ZEB1: variants seen among roughly 807,000 people sequenced by gnomAD.
ZEB1 encodes the protein zinc finger E-box-binding homeobox 1.
Under a neutral mutation model 84.9 loss-of-function variants are expected in ZEB1, and 21 were observed. That is an observed-to-expected ratio of 0.25 (90% CI 0.18 to 0.36). The LOEUF (loss-of-function observed/expected upper bound fraction) is 0.36. ZEB1 is among the 10% of genes least tolerant of loss of function. The probability of loss-of-function intolerance (pLI) is 1.00; values close to 1 mark genes in which losing one functional copy is unlikely to be tolerated. For synonymous variants in ZEB1, 420 were observed against 471.1 expected (o/e 0.89, Z 1.41); for missense variants, 1,104 against 1,330.2 (o/e 0.83, Z 2.65).
intron 1 of ZEB1, among the ~76,000 whole-genome samples, chr10:31,412,622 G>T (rs2054514343): frequency 6.6e-6 from 1 of 152,156 alleles, no homozygotes; most frequent in Non-Finnish European, 1.5e-5. Flanking sequence ...GTATTCCATG[G>T]TGTATATGTG....
intron 1 of ZEB1, chr10:31,363,004 C>G: frequency 6.5e-7 from 1 of 1,534,000 alleles, no homozygotes. Context: ...CGGTGGGGGC[C>G]GCTCGTCTCT....
intron 3 of ZEB1, among the ~76,000 whole-genome samples, chr10:31,500,198 T>G (rs552629078): frequency 1.2e-3 from 185 of 152,274 alleles, no homozygotes; most frequent in Admixed American, 2.0e-3. Flanking sequence ...TTAATTTCAT[T>G]TTTTACTTTT....
At chr10:31,351,912 A>G (rs2041377431) in intron 1 of ZEB1, among the ~76,000 whole-genome samples, 3 of 152,214 alleles carry the variant, frequency 2.0e-5, no homozygotes, top group Admixed American at 2.0e-4. Flanking sequence ...ACCAAATACA[A>G]TGTTTATCTT....
At chr10:31,359,363 G>T (rs559628734) in intron 1 of ZEB1, among the ~76,000 whole-genome samples, 1 of 152,032 alleles carries the variant, frequency 6.6e-6, no homozygotes, top group Non-Finnish European at 1.5e-5. Context: ...TGATATAGAG[G>T]TAAGGGCAGG....
At chr10:31,375,273 GT>G (rs943633126) in intron 1 of ZEB1, among the ~76,000 whole-genome samples, 1 of 151,764 alleles carries the variant, frequency 6.6e-6, no homozygotes, top group Non-Finnish European at 1.5e-5. Flanking sequence ...GATCCAGGCA[GT>G]CCCCCTTGTC....
At position 31,527,310 on chromosome 10, in the gene ZEB1, G is replaced by A. The variant is rs113977142; in HGVS notation, c.*46G>A. On this transcript the variant is annotated 3_prime_UTR_variant, in exon 9 of 9. Coordinates refer to ENST00000424869, the MANE Select transcript of ZEB1 (RefSeq NM_001174096.2). ...TAAATTCTAATTGATAATGAATTTC[G>A]TTCAATATTATCCTTGCTTTTCATG... The A allele has an allele frequency of 1.5e-4, 234 of 1,554,460 alleles. 2 individuals are homozygous for A. In the African/African-American group the frequency reaches 2.3e-3, roughly 15 times the overall value.
intron 6 of ZEB1, among the ~76,000 whole-genome samples, chr10:31,518,188 T>A (rs1009858503): frequency 1.3e-5 from 2 of 152,194 alleles, no homozygotes; most frequent in Admixed American, 6.5e-5. Flanking sequence ...AACTTTTGTC[T>A]GTTGTATTTT....
At chr10:31,425,204 G>A (rs771293754) in intron 1 of ZEB1, among the ~76,000 whole-genome samples, 86 of 151,892 alleles carry the variant, frequency 5.7e-4, no homozygotes, top group Non-Finnish European at 1.1e-3. Flanking sequence ...AGAAAACCAC[G>A]AATTTGAATC....
intron 1 of ZEB1, among the ~76,000 whole-genome samples, chr10:31,458,332 TG>T (rs1057397222): frequency 7.8e-5 from 8 of 102,596 alleles, no homozygotes; most frequent in African/African-American, 5.5e-4. Context: ...TGTGTGTGTG[TG>T]TGTTGTGTGT....
At chr10:31,512,893 A>T (rs571973375) in intron 5 of ZEB1, among the ~76,000 whole-genome samples, 1 of 152,280 alleles carries the variant, frequency 6.6e-6, no homozygotes, top group Non-Finnish European at 1.5e-5. Flanking sequence ...ACAGTGAAAC[A>T]TAAGAAAGCC....
At chr10:31,371,987 A>G (rs2134456217) in intron 1 of ZEB1, among the ~76,000 whole-genome samples, 1 of 152,228 alleles carries the variant, frequency 6.6e-6, no homozygotes, top group East Asian at 1.9e-4. Context: ...GGCTGGATAG[A>G]TATGCATGCA....
At chr10:31,405,308 G>A (rs1272632926) in intron 1 of ZEB1, among the ~76,000 whole-genome samples, 1 of 152,122 alleles carries the variant, frequency 6.6e-6, no homozygotes, top group Non-Finnish European at 1.5e-5. Flanking sequence ...GTCAAAGGTG[G>A]TCAAACTTCC....
At chr10:31,339,370 AGAGT>A (rs1206033854) in intron 1 of ZEB1, among the ~76,000 whole-genome samples, 4 of 152,158 alleles carry the variant, frequency 2.6e-5, no homozygotes, top group African/African-American at 9.7e-5. Flanking sequence ...CTTCTGAGAG[AGAGT>A]ATTTCCTGTC....
rs77376874 is a variant in ZEB1, at chr10:31,392,604, A to G, written c.59-68433A>G. ...ACCTTTTTCTCAAAATGAAGGAAAT[A>G]TTATTTTTTCTTTTTCTTGGTACTA... On this transcript the variant is annotated intron_variant, in intron 1 of 8. Coordinates refer to ENST00000424869, the MANE Select transcript of ZEB1 (RefSeq NM_001174096.2). Among the ~76,000 whole-genome samples the G allele has an allele frequency of 1.8e-4, 27 of 152,174 alleles. No homozygotes were observed. The East Asian group carries it at 4.8e-3, about 27-fold the overall frequency.
At chr10:31,371,922 A>G (rs1167235223) in intron 1 of ZEB1, among the ~76,000 whole-genome samples, 12 of 152,150 alleles carry the variant, frequency 7.9e-5, no homozygotes, top group Non-Finnish European at 1.8e-4. Context: ...TTCACTTTAT[A>G]TTCTCTTATA....
chr10:31,376,987 G>A (rs1013371455), intron 1 of ZEB1, among the ~76,000 whole-genome samples: 1 of 150,956 alleles, frequency 6.6e-6, no homozygotes, highest in Non-Finnish European at 1.5e-5. Flanking sequence ...AAAAGTCCGT[G>A]AAATTCTCAT....
In ZEB1 at chr10:31,458,612, A is replaced by G. The variant is rs372796552; in HGVS notation, c.59-2425A>G. Among the ~76,000 whole-genome samples, 38 of 152,158 alleles carry G rather than the reference A, an allele frequency of 2.5e-4. 1 individual carries two copies. The highest frequency in any genetic ancestry group is 8.2e-4 in the African/African-American group (34 of 41,524). The stretch of plus-strand genomic sequence containing the variant: ...TGATATACTGAATAGACCTCCTCAG[A>G]TAATATTTATGGAAACATAAAACCA... On this transcript the variant is annotated intron_variant, in intron 1 of 8. Transcript: ENST00000424869.
At chr10:31,411,504 C>A (rs544307077) in intron 1 of ZEB1, among the ~76,000 whole-genome samples, 2 of 151,860 alleles carry the variant, frequency 1.3e-5, no homozygotes, top group Non-Finnish European at 2.9e-5. Context: ...CGGTGGCGGG[C>A]GCCTGTAGTC....
At chr10:31,420,044 C>A (rs1266249697) in intron 1 of ZEB1, among the ~76,000 whole-genome samples, 2 of 152,076 alleles carry the variant, frequency 1.3e-5, no homozygotes, top group African/African-American at 4.8e-5. Context: ...CCTCTTTGTT[C>A]TAATGTATAC....
Sources: allele counts gnomAD v4.1 joint callset (sites outside exome capture counted in the v4.1 genomes callset), GRCh38; gene constraint gnomAD v4.1.1; transcripts MANE v1.5; gene names NCBI Gene and HGNC (gene_info 2026-07-23, HGNC 2026-07-21).